The following MGLL variants were observed in gnomAD, a reference collection of about 807,000 sequenced individuals.
The protein encoded by MGLL is monoglyceride lipase, also known as lysophospholipase homolog.
A neutral mutation model predicts 29.1 loss-of-function variants in MGLL; 7 were observed. The ratio of observed to expected loss-of-function variants is 0.24; its 90% confidence interval spans 0.14 to 0.45. The LOEUF is 0.45. MGLL is among the 20% of genes least tolerant of loss of function. The probability of loss-of-function intolerance (pLI) is 0.99; values close to 1 mark genes in which losing one functional copy is unlikely to be tolerated. For synonymous variants in MGLL, 148 were observed against 168.3 expected (o/e 0.88, Z 0.93); for missense variants, 356 against 413.6 (o/e 0.86, Z 1.21).
chr3:127,706,269 ATG>A (rs1291880041), intron 6 of MGLL, among the ~76,000 whole-genome samples: 1 of 152,112 alleles, frequency 6.6e-6, no homozygotes, highest in East Asian at 1.9e-4. Flanking sequence ...AGGCCCTACT[ATG>A]TGCATGTCCC....
intron 3 of MGLL, among the ~76,000 whole-genome samples, chr3:127,741,234 T>A (rs1447823115): frequency 6.6e-6 from 1 of 152,010 alleles, no homozygotes; most frequent in Non-Finnish European, 1.5e-5. Flanking sequence ...AGAGACACAG[T>A]GGGGTGGAGT....
intron 2 of MGLL, among the ~76,000 whole-genome samples, chr3:127,784,227 T>A (rs1180367570): frequency 6.6e-6 from 1 of 152,192 alleles, no homozygotes; most frequent in African/African-American, 2.4e-5. Context: ...TGGCCACACA[T>A]TGGAGTCACC....
At chr3:127,694,005 C>A (rs541126353) in intron 7 of MGLL, among the ~76,000 whole-genome samples, 1 of 152,126 alleles carries the variant, frequency 6.6e-6, no homozygotes, top group Non-Finnish European at 1.5e-5. Flanking sequence ...GGTGAGGTGG[C>A]TCACGCCTGC....
At chr3:127,746,511 T>G (rs990611137) in intron 3 of MGLL, among the ~76,000 whole-genome samples, 1 of 152,142 alleles carries the variant, frequency 6.6e-6, no homozygotes, top group Admixed American at 6.5e-5. Flanking sequence ...TAAGACACCC[T>G]GGTGTGATCC....
In MGLL at chr3:127,818,209, C is replaced by A. The variant is rs143602269; in HGVS notation, c.155+3485G>T. Among the ~76,000 whole-genome samples, 685 of 152,114 alleles carry A rather than the reference C, an allele frequency of 4.5e-3. 1 individual carries two copies. The highest frequency in any genetic ancestry group is 0.015 in the African/African-American group (621 of 41,492). On this transcript the variant is annotated intron_variant, in intron 2 of 7. Coordinates refer to ENST00000265052, the MANE Select transcript of MGLL (RefSeq NM_007283.7). ...AACTCCTGGCCTCAAGTGATCCACC[C>A]GCCTCAGCCTCCCGATGTGTTGGGA...
intron 3 of MGLL, among the ~76,000 whole-genome samples, chr3:127,733,480 G>C (rs2076187276): frequency 6.6e-6 from 1 of 152,074 alleles, no homozygotes; most frequent in Admixed American, 6.6e-5. Flanking sequence ...CCCTCTCTTG[G>C]GGTCTGGATC....
intron 7 of MGLL, among the ~76,000 whole-genome samples, chr3:127,694,076 C>T (rs1373305781): frequency 1.3e-5 from 2 of 151,818 alleles, no homozygotes; most frequent in African/African-American, 4.8e-5. Flanking sequence ...GTGAGACCAA[C>T]CTGGTCAACA....
At chr3:127,815,561 T>C (rs1576323667) in intron 2 of MGLL, among the ~76,000 whole-genome samples, 1 of 152,192 alleles carries the variant, frequency 6.6e-6, no homozygotes, top group African/African-American at 2.4e-5. Context: ...ATCTAGCTGG[T>C]TATTTGGATA....
chr3:127,776,387 G>T (rs199705476), intron 3 of MGLL, among the ~76,000 whole-genome samples: 1 of 152,186 alleles, frequency 6.6e-6, no homozygotes, highest in Non-Finnish European at 1.5e-5. Context: ...GGGAGGGGGA[G>T]CCCAGGCTTC....
chr3:127,821,844 A>C lies in MGLL; in HGVS notation c.11-6T>G, dbSNP rs546809555. ...GCTGGAAGGGTCTTCAGGTCCTAGA[A>C]GGAAAAGTGACATATTCCAAAGTCA... On this transcript the variant is annotated splice_polypyrimidine_tract_variant and splice_region_variant and intron_variant, in intron 1 of 7. Coordinates refer to ENST00000265052, the MANE Select transcript of MGLL (RefSeq NM_007283.7). 1.2e-5 allele frequency: 20 copies of C among 1,613,026 alleles called. No homozygotes were observed. The South Asian group carries it at 2.1e-4, about 17-fold the overall frequency.
Position 127,752,000 on chromosome 3 carries a change from T to A in MGLL, c.263-29434A>T, listed in dbSNP as rs141111505. ...TTGTTATTTAAAGTAACAAAATACA[T>A]GTACGCAGTCTCACTATTCCCTCAG... On this transcript the variant is annotated intron_variant, in intron 3 of 7. Transcript: ENST00000265052. Among the ~76,000 whole-genome samples, 1,353 of 152,332 alleles carry A rather than the reference T, an allele frequency of 8.9e-3. 12 individuals carry two copies. Among genetic ancestry groups the A allele is most frequent in the Non-Finnish European group, 0.015 (995 of 68,026 alleles).
intron 3 of MGLL, among the ~76,000 whole-genome samples, chr3:127,722,841 G>A (rs1382996477): frequency 6.6e-6 from 1 of 152,200 alleles, no homozygotes; most frequent in African/African-American, 2.4e-5. Context: ...TCCCTTGGGG[G>A]TGGTTTCCAA....
At chr3:127,719,878 G>A (rs907164455) in intron 5 of MGLL, among the ~76,000 whole-genome samples, 2 of 152,114 alleles carry the variant, frequency 1.3e-5, no homozygotes, top group African/African-American at 4.8e-5. Flanking sequence ...CATCTCTCTC[G>A]CAAACTAAGT....
At position 127,731,333 on chromosome 3, in the gene MGLL, T is replaced by TTTATTA. The variant is rs140919604; in HGVS notation, c.263-8773_263-8768dup. Among the ~76,000 whole-genome samples the TTTATTA allele has an allele frequency of 2.7e-3, 390 of 145,470 alleles. 1 individual carries two copies. Among genetic ancestry groups the TTTATTA allele is most frequent in the African/African-American group, 6.2e-3 (247 of 39,790 alleles). ...ATGCCTGGCTGCTCTCTTGGTGGCT[T>TTTATTA]TTATTATTATTATTATTATTATTAT... On this transcript the variant is annotated intron_variant, in intron 3 of 7. Coordinates refer to ENST00000265052, the MANE Select transcript of MGLL (RefSeq NM_007283.7).
intron 3 of MGLL, among the ~76,000 whole-genome samples, chr3:127,750,676 G>A (rs1468282017): frequency 1.3e-5 from 2 of 152,060 alleles, no homozygotes; most frequent in Non-Finnish European, 2.9e-5. Context: ...CACAAAATGG[G>A]TACTGTTTTT....
chr3:127,813,140 A>G (rs1337607331), intron 2 of MGLL, among the ~76,000 whole-genome samples: 2 of 152,146 alleles, frequency 1.3e-5, no homozygotes, highest in African/African-American at 4.8e-5. Context: ...CCGCCTGTGC[A>G]GTTTTTTTGT....
chr3:127,752,439 G>A (rs1204358019), intron 3 of MGLL, among the ~76,000 whole-genome samples: 2 of 152,048 alleles, frequency 1.3e-5, no homozygotes, highest in South Asian at 2.1e-4. Context: ...TCCATAAACA[G>A]CACTTTATTT....
intron 2 of MGLL, among the ~76,000 whole-genome samples, chr3:127,798,936 G>C (rs1319381142): frequency 6.6e-6 from 1 of 152,164 alleles, no homozygotes; most frequent in East Asian, 1.9e-4. Flanking sequence ...GGAAGCTGAG[G>C]GCAGAGCAGG....
chr3:127,817,715 C>A, intron 2 of MGLL, among the ~76,000 whole-genome samples: 1 of 152,178 alleles, frequency 6.6e-6, no homozygotes, highest in African/African-American at 2.4e-5. Flanking sequence ...GTTTTCAGAC[C>A]GCACCCTTCC....
Sources: allele counts gnomAD v4.1 joint callset (sites outside exome capture counted in the v4.1 genomes callset), GRCh38; gene constraint gnomAD v4.1.1; transcripts MANE v1.5; gene names NCBI Gene and HGNC (gene_info 2026-07-23, HGNC 2026-07-21).